Variants in CDON observed in about 807,000 individuals in gnomAD.
CDON encodes the protein cell adhesion molecule-related/down-regulated by oncogenes.
In CDON, 73 loss-of-function variants were observed where a neutral mutation model predicts 120.9. That is an observed-to-expected ratio of 0.60 (90% confidence interval 0.50 to 0.73). CDON has a LOEUF of 0.73. Among genes scored for constraint, CDON ranks in the 30% least tolerant of loss-of-function variants. CDON has a pLI of 0.00. For synonymous variants in CDON, 566 were observed against 573.5 expected (o/e 0.99, Z 0.19); for missense variants, 1,470 against 1,587.3 (o/e 0.93, Z 1.26).
chr11:126,010,141 A>G (rs1039302169), intron 8 of CDON, among the ~76,000 whole-genome samples, 200 bp downstream of exon 8: 11 of 152,216 alleles, frequency 7.2e-5, no homozygotes, highest in Non-Finnish European at 5.9e-5. Context: ...AATCTTAACA[A>G]ACACATCAGA....
intron 10 of CDON, 25 bp from the exon 11 acceptor site, chr11:126,001,875 A>T (rs1565518570): frequency 2.6e-6 from 4 of 1,535,956 alleles, no homozygotes; most frequent in Non-Finnish European, 3.6e-6. Context: ...AAACATATAC[A>T]GTAACATAAG....
At chr11:126,013,390 T>C (rs1371884261) in intron 7 of CDON, among the ~76,000 whole-genome samples, 1 of 152,178 alleles carries the variant, frequency 6.6e-6, no homozygotes, top group Non-Finnish European at 1.5e-5. Flanking sequence ...TCTGAAATGG[T>C]CTATCACTTC....
rs774680347 is a variant in CDON at position 126,021,281 on chromosome 11, T to C, written c.316A>G (p.Ile106Val). ...GATACTGTCGCAGGGCCACTCACAA[T>C]GGCACCGATGCTATTGTTGGCAAGG... is the stretch of plus-strand genomic sequence containing the variant. ...QCLANNSIGA[I>V]VSGPATVSVA... is the part of the protein sequence containing the mutation. Residue 106 changes from isoleucine to valine, a missense_variant, in exon 3 of 20, where the codon ATT (isoleucine) becomes GTT (valine). Physicochemically the swap from Ile to Val is conservative, Grantham distance 29 (BLOSUM62 3). Transcript: ENST00000531738. The C allele has an allele frequency of 2.5e-6, 4 of 1,614,008 alleles. No individual in the cohort carries two copies. The highest frequency in any genetic ancestry group is 2.5e-6 in the Non-Finnish European group (3 of 1,180,000).
At chr11:125,964,493 T>C (rs977719707) in intron 18 of CDON, among the ~76,000 whole-genome samples, 1 of 152,064 alleles carries the variant, frequency 6.6e-6, no homozygotes, top group Admixed American at 6.5e-5. Context: ...AGTAAATCCT[T>C]TCTAGAGGGG....
intron 18 of CDON, among the ~76,000 whole-genome samples, chr11:125,973,708 T>G (rs918749019): frequency 1.3e-5 from 2 of 152,156 alleles, no homozygotes; most frequent in Admixed American, 1.3e-4. Context: ...TTTTAGAGAT[T>G]GTGTATAAAT....
chr11:125,991,585 T>C (rs554192018), intron 14 of CDON, among the ~76,000 whole-genome samples: 1 of 152,124 alleles, frequency 6.6e-6, no homozygotes, highest in Non-Finnish European at 1.5e-5. Context: ...ACTGTACTCT[T>C]TTACAATTTG....
At chr11:125,977,022 C>T (rs969044124) in intron 18 of CDON, among the ~76,000 whole-genome samples, 1 of 152,170 alleles carries the variant, frequency 6.6e-6, no homozygotes, top group Admixed American at 6.5e-5. Context: ...AAATTTTAAG[C>T]AAGACCACTT....
intron 3 of CDON, 113 bp from the exon 4 acceptor site, chr11:126,019,878 G>A: frequency 1.1e-6 from 1 of 913,774 alleles, no homozygotes. Flanking sequence ...TGTGGCAGCT[G>A]ACCCCAGTCC....
chr11:125,999,729 T>A (rs1946887843), intron 11 of CDON, among the ~76,000 whole-genome samples: 1 of 151,918 alleles, frequency 6.6e-6, no homozygotes, highest in Non-Finnish European at 1.5e-5. Context: ...CTCCCCTTCC[T>A]CCATCCACAC....
rs1948026893 is a variant in CDON at position 126,034,096 on chromosome 11, T to G, written c.-61-10559A>C. Among the ~76,000 whole-genome samples, 1 of 151,994 alleles carries G rather than the reference T, an allele frequency of 6.6e-6. No individual in the cohort carries two copies. On this transcript the variant is annotated intron_variant, in intron 1 of 19. Transcript: ENST00000531738. The surrounding 1 kb of genome is among the most constrained non-coding windows in gnomAD (Gnocchi z 4.5). ...TCCACAGTACTTACTTTATAAGCAC[T>G]TATTAATGATCGTGCAATCATTCAG...
At chr11:126,053,619 ACAT>A (rs1948619748) in intron 1 of CDON, among the ~76,000 whole-genome samples, 1 of 152,152 alleles carries the variant, frequency 6.6e-6, no homozygotes, top group Admixed American at 6.5e-5. Flanking sequence ...ACATTCAGCC[ACAT>A]CATCATTTTA....
At position 125,959,439 on chromosome 11, in the gene CDON, T is replaced by C. The variant is rs1945578024; in HGVS notation, c.*1503A>G. 6.6e-6 allele frequency: 1 copy of C among 152,156 alleles called. No homozygotes were observed. The highest frequency in any genetic ancestry group is 1.5e-5 in the Non-Finnish European group (1 of 68,026). The allele number at this position is 152,156 out of a possible 1,614,324, so 9.4% of individuals were successfully genotyped here. On this transcript the variant is annotated 3_prime_UTR_variant, in exon 20 of 20. Coordinates refer to ENST00000531738, the MANE Select transcript of CDON (RefSeq NM_001378964.1). Reference sequence around the variant, plus strand: ...AAACACACTTACATAATTATTGTTTTTTAATGTGAAGAGCCTTCCAAAGGC... The same window carrying C: ...AAACACACTTACATAATTATTGTTTCTTAATGTGAAGAGCCTTCCAAAGGC...
At chr11:125,970,829 C>A (rs981481681) in intron 18 of CDON, among the ~76,000 whole-genome samples, 2 of 152,200 alleles carry the variant, frequency 1.3e-5, no homozygotes, top group African/African-American at 4.8e-5. Context: ...TCCCTGACAA[C>A]AGGCGCTAGG....
rs771919275 is a variant in CDON at position 126,023,497 on chromosome 11, A to G, written c.-21T>C. ...TGCATAGCGCCAGATTACAGAAGCAATCAGGACAGGCTTCCAGAGCAAAAC... is the reference window on the plus strand; with the variant it reads ...TGCATAGCGCCAGATTACAGAAGCAGTCAGGACAGGCTTCCAGAGCAAAAC... On this transcript the variant is annotated 5_prime_UTR_variant, in exon 2 of 20. Coordinates refer to ENST00000531738, the MANE Select transcript of CDON (RefSeq NM_001378964.1). 8.9e-6 allele frequency: 14 copies of G among 1,568,742 alleles called. No individual in the cohort carries two copies. Among genetic ancestry groups the G allele is most frequent in the Non-Finnish European group, 1.1e-5 (13 of 1,138,806 alleles).
intron 12 of CDON, 44 bp downstream of exon 12, chr11:125,997,163 A>C: frequency 7.3e-7 from 1 of 1,373,274 alleles, no homozygotes; most frequent in Non-Finnish European, 1.0e-6. Context: ...ATATGGATCT[A>C]AAGTTCACAT....
chr11:125,956,905 A>G lies in CDON; in HGVS notation c.*4037T>C. 4.2e-6 allele frequency: 4 copies of G among 960,520 alleles called. No individual in the cohort carries two copies. In the African/African-American group the frequency reaches 5.3e-5, roughly 13 times the overall value. 59.5% of individuals were successfully genotyped at this position (960,520 alleles called of 1,614,324 possible). On this transcript the variant is annotated 3_prime_UTR_variant, in exon 20 of 20. Coordinates refer to ENST00000531738, the MANE Select transcript of CDON (RefSeq NM_001378964.1). ...TCAGGACTGGGGCTAGGGTTTAAGG[A>G]AGGCTTATTTAAATATGGGAAATAA...
At position 126,030,227 on chromosome 11, in the gene CDON, TACTTA is replaced by T. The variant is rs1230883550; in HGVS notation, c.-61-6695_-61-6691del. 3.9e-5 allele frequency among the ~76,000 whole-genome samples: 6 copies of T among 152,364 alleles called. No individual in the cohort carries two copies. The East Asian group carries it at 1.2e-3, about 29-fold the overall frequency. ...AGAAAGGAAATACTTTCCTAACGTT[TACTTA>T]ACTTATTGTTCAGGTTGTGAACTTA... On this transcript the variant is annotated intron_variant, in intron 1 of 19. Coordinates refer to ENST00000531738, the MANE Select transcript of CDON (RefSeq NM_001378964.1).
intron 9 of CDON, 83 bp from the exon 10 acceptor site, chr11:126,004,159 G>A: frequency 3.0e-6 from 4 of 1,347,346 alleles, no homozygotes; most frequent in Non-Finnish European, 4.2e-6. Flanking sequence ...TCAAAACTAG[G>A]ATTCATTTAA....
At position 125,961,118 on chromosome 11, in the gene CDON, A is replaced by C; in HGVS notation, c.3632-13T>G. 1.2e-6 allele frequency: 2 copies of C among 1,612,602 alleles called. No homozygotes were observed. The highest frequency in any genetic ancestry group is 3.3e-4 in the Middle Eastern group (2 of 6,060). ...GCACAGCTGTCTCCTGAAACACAGC[A>C]GGGTTTGGGAGCATTATCAAATGAT... On this transcript the variant is annotated splice_polypyrimidine_tract_variant and intron_variant, in intron 19 of 19. Transcript: ENST00000531738.
Sources: gnomAD v4.1 joint callset for allele counts (sites outside exome capture counted in the v4.1 genomes callset) on GRCh38, gnomAD v4.1.1 for gene constraint, Gnocchi (gnomAD v3.1) non-coding constraint, MANE v1.5 for transcripts, NCBI Gene and HGNC (gene_info 2026-07-23, HGNC 2026-07-21) for gene names.